Variants in TRIM2 observed in about 807,000 individuals in gnomAD.
TRIM2 encodes the protein tripartite motif-containing protein 2.
A neutral mutation model predicts 75.2 loss-of-function variants in TRIM2; 20 were observed. The ratio of observed to expected loss-of-function variants is 0.27; its 90% CI spans 0.19 to 0.39. The LOEUF (loss-of-function observed/expected upper bound fraction) is 0.39, where lower values mean the gene tolerates loss of function less well. TRIM2 is among the 10% of genes least tolerant of loss of function. The probability of loss-of-function intolerance (pLI) is 1.00; values close to 1 mark genes in which losing one functional copy is unlikely to be tolerated. For synonymous variants in TRIM2, 373 were observed against 388.3 expected (o/e 0.96, Z 0.46); for missense variants, 660 against 990.8 (o/e 0.67, Z 4.48).
chr4:153,252,736 C>T (rs1368527101), intron 1 of TRIM2, among the ~76,000 whole-genome samples: 1 of 152,188 alleles, frequency 6.6e-6, no homozygotes, highest in Non-Finnish European at 1.5e-5. Context: ...TCTTGAACTC[C>T]TGACCTTGTG....
chr4:153,289,602 A>G (rs1462589040), intron 3 of TRIM2, among the ~76,000 whole-genome samples: 3 of 152,166 alleles, frequency 2.0e-5, no homozygotes, highest in African/African-American at 7.2e-5. Flanking sequence ...TCCAATGAGT[A>G]TTCTTTGTCA....
chr4:153,194,456 A>G (rs1733560334), intron 1 of TRIM2, among the ~76,000 whole-genome samples: 1 of 152,184 alleles, frequency 6.6e-6, no homozygotes, highest in African/African-American at 2.4e-5. Context: ...AAAATGATTA[A>G]GTGGAATGAA....
At chr4:153,234,730 A>G (rs1560856039) in intron 1 of TRIM2, among the ~76,000 whole-genome samples, 1 of 152,326 alleles carries the variant, frequency 6.6e-6, no homozygotes, top group East Asian at 1.9e-4. Flanking sequence ...TTAACAGTCA[A>G]TGCTTGTGAT....
At chr4:153,227,252 T>C (rs541068812) in intron 1 of TRIM2, among the ~76,000 whole-genome samples, 3 of 152,348 alleles carry the variant, frequency 2.0e-5, no homozygotes, top group African/African-American at 4.8e-5. Flanking sequence ...CATTTGCTAC[T>C]TAACCCCAAG....
intron 1 of TRIM2, among the ~76,000 whole-genome samples, chr4:153,218,099 A>G (rs949479927): frequency 2.6e-5 from 4 of 152,270 alleles, no homozygotes; most frequent in African/African-American, 7.2e-5. Context: ...GCAGTTGCGT[A>G]CAAGAAAAAA....
Position 153,336,272 on chromosome 4 carries a change from A to G in TRIM2, c.*1306A>G, listed in dbSNP as rs1477099593. 25 of 985,570 alleles carry G rather than the reference A, an allele frequency of 2.5e-5. No homozygotes were observed. The highest frequency in any genetic ancestry group is 2.9e-5 in the Non-Finnish European group (24 of 829,872). The allele number at this position is 985,570 out of a possible 1,614,324, so 61.1% of individuals were successfully genotyped here. A position where few individuals can be genotyped will look rare whatever the true frequency, so the allele number is the denominator to read the frequency against. ...AGCCGTCCTAGTGGAGCAAGCCCTA[A>G]AGCAGATTTAATTTTTGCCATTTTC... On this transcript the variant is annotated 3_prime_UTR_variant, in exon 12 of 12. Coordinates refer to ENST00000338700, the MANE Select transcript of TRIM2 (RefSeq NM_015271.5).
chr4:153,244,319 CTCTTCT>C (rs1311888983), intron 1 of TRIM2, among the ~76,000 whole-genome samples: 2 of 21,136 alleles, frequency 9.5e-5, no homozygotes, highest in Non-Finnish European at 1.6e-4. Context: ...CCTCCTCCTC[CTCTTCT>C]TCTTCTTCTT....
intron 10 of TRIM2, among the ~76,000 whole-genome samples, chr4:153,325,256 G>A (rs1256234524): frequency 2.0e-5 from 3 of 152,222 alleles, no homozygotes; most frequent in African/African-American, 7.2e-5. Flanking sequence ...GCAGACAGTA[G>A]CGCACAGTGG....
upstream of TRIM2, among the ~76,000 whole-genome samples, chr4:153,203,276 G>A (rs1734632206): frequency 6.6e-6 from 1 of 151,870 alleles, no homozygotes; most frequent in South Asian, 2.1e-4. Context: ...CAGCTACTAG[G>A]GAGGCTGAGG....
intron 3 of TRIM2, among the ~76,000 whole-genome samples, chr4:153,287,901 T>C (rs1191236253): frequency 3.3e-5 from 5 of 152,200 alleles, no homozygotes; most frequent in South Asian, 2.1e-4. Context: ...GGTTACTTTG[T>C]AGTGTATCAA....
At chr4:153,185,590 G>A (rs948873707) in intron 1 of TRIM2, among the ~76,000 whole-genome samples, 2 of 152,028 alleles carry the variant, frequency 1.3e-5, no homozygotes, top group African/African-American at 4.8e-5. Flanking sequence ...GTGCCTTTGT[G>A]TTTGAAAAGA....
intron 1 of TRIM2, among the ~76,000 whole-genome samples, chr4:153,197,408 T>G (rs1367169751): frequency 2.0e-5 from 3 of 152,198 alleles, no homozygotes; most frequent in African/African-American, 7.2e-5. Flanking sequence ...GCTAAGTGTC[T>G]AGCTCCCCTC....
intron 6 of TRIM2, among the ~76,000 whole-genome samples, chr4:153,312,115 C>T (rs916295676): frequency 2.1e-5 from 3 of 143,976 alleles, no homozygotes; most frequent in Non-Finnish European, 4.5e-5. Context: ...CTTCCTGTGT[C>T]CATGTGTTCT....
intron 6 of TRIM2, among the ~76,000 whole-genome samples, chr4:153,310,658 A>G (rs1364262326): frequency 6.6e-6 from 1 of 152,186 alleles, no homozygotes; most frequent in Non-Finnish European, 1.5e-5. Context: ...ATAATAATCA[A>G]TAATCTCCAA....
In TRIM2 at chr4:153,283,861, C is replaced by CTT. The variant is rs71598257; in HGVS notation, c.453+7757_453+7758dup. ...TCATCTTGGCCAGGATGGCCTTGAT[C>CTT]TTTTTTTTTTTTTTTTTTTTTTTTT... On this transcript the variant is annotated intron_variant, in intron 3 of 11. Coordinates refer to ENST00000338700, the MANE Select transcript of TRIM2 (RefSeq NM_015271.5). Among the ~76,000 whole-genome samples the CTT allele has an allele frequency of 9.2e-3, 491 of 53,286 alleles. 75 individuals carry two copies. The highest frequency in any genetic ancestry group is 0.03 in the African/African-American group (352 of 11,756). 35.0% of individuals were successfully genotyped at this position (53,286 alleles called of 152,430 possible).
chr4:153,324,818 C>T (rs1186424551), intron 10 of TRIM2, among the ~76,000 whole-genome samples: 1 of 152,170 alleles, frequency 6.6e-6, no homozygotes, highest in Non-Finnish European at 1.5e-5. Flanking sequence ...ATGCATGTTC[C>T]ACTGAAGGTA....
At chr4:153,260,724 A>ACACACACACACACACAT (rs528342465) in intron 1 of TRIM2, among the ~76,000 whole-genome samples, 8 of 112,660 alleles carry the variant, frequency 7.1e-5, no homozygotes, top group African/African-American at 2.5e-4. Context: ...ACACACACAC[A>ACACACACACACACACAT]CATCATCATC....
chr4:153,223,710 A>G (rs1741339316), intron 1 of TRIM2, among the ~76,000 whole-genome samples: 1 of 152,152 alleles, frequency 6.6e-6, no homozygotes. Context: ...ATTCGTTCCG[A>G]CCTGTAATCC....
rs188160034 is a variant in TRIM2, at chr4:153,261,108, A to C, written c.31-9227A>C. Among the ~76,000 whole-genome samples the C allele has an allele frequency of 6.0e-4, 91 of 152,328 alleles. 1 individual carries two copies. Among genetic ancestry groups the C allele is most frequent in the African/African-American group, 2.1e-3 (87 of 41,572 alleles). On this transcript the variant is annotated intron_variant, in intron 1 of 11. Transcript: ENST00000338700. ...AATTGCTTGGAAAGCAGATGTTTGCATGTCTGCATGAGAACAATAAAAAAT... is the reference window on the plus strand; with the variant it reads ...AATTGCTTGGAAAGCAGATGTTTGCCTGTCTGCATGAGAACAATAAAAAAT...
Sources: allele counts gnomAD v4.1 joint callset (sites outside exome capture counted in the v4.1 genomes callset), GRCh38; gene constraint gnomAD v4.1.1; transcripts MANE v1.5; gene names NCBI Gene and HGNC (gene_info 2026-07-23, HGNC 2026-07-21).